DPRX: variants seen among roughly 807,000 people sequenced by gnomAD.
DPRX encodes divergent paired-related homeobox.
Under a neutral mutation model 8.4 loss-of-function variants are expected in DPRX, and 11 were observed. The ratio of observed to expected loss-of-function variants is 1.31; its 90% CI spans 0.82 to 2.17. The LOEUF is 2.17. Ranked by LOEUF, DPRX falls within the 30% of genes most tolerant of loss-of-function variation. The pLI is 0.00. For missense variants in DPRX, 211 were observed against 236.7 expected (o/e 0.89, Z 0.71); for synonymous variants, 72 against 87.0 (o/e 0.83, Z 0.96).
At chr19:53,617,130 C>T in the DPRX span, 1,867 of 1,229,644 alleles carry the variant, frequency 1.5e-3, 38 homozygotes, top group East Asian at 0.04. Context: ...CGATCGAATG[C>T]ACCAAATATC....
the DPRX span, chr19:53,616,987 A>G: frequency 9.5e-6 from 11 of 1,153,928 alleles, no homozygotes; most frequent in East Asian, 1.4e-4. Context: ...TGTTGGCTCT[A>G]TGACTGATGA....
the DPRX span, chr19:53,602,264 A>ATGGG: frequency 1.2e-5 from 4 of 338,194 alleles, no homozygotes; most frequent in East Asian, 2.5e-4. Flanking sequence ...ATATATGGGT[A>ATGGG]TGGGTGTGTG....
At chr19:53,602,270 GTGTGT>G in the DPRX span, 67 of 99,206 alleles carry the variant, frequency 6.8e-4, 1 homozygote, top group East Asian at 4.5e-3. Flanking sequence ...GGGTATGGGT[GTGTGT>G]GTGTGTGTGT....
chr19:53,608,639 C>T, the DPRX span, among the ~76,000 whole-genome samples: 1 of 152,162 alleles, frequency 6.6e-6, no homozygotes, highest in Non-Finnish European at 1.5e-5. Flanking sequence ...CTAAATGCCA[C>T]TGAACTGCAT....
chr19:53,615,754 A>G, the DPRX span, among the ~76,000 whole-genome samples: 1 of 151,984 alleles, frequency 6.6e-6, no homozygotes, highest in Admixed American at 6.6e-5. Flanking sequence ...TAATTTTAAT[A>G]TAATGAAAAG....
the DPRX span, among the ~76,000 whole-genome samples, chr19:53,624,788 G>A: frequency 2.8e-5 from 4 of 143,352 alleles, no homozygotes; most frequent in African/African-American, 7.8e-5. Flanking sequence ...ATTGCAGTGA[G>A]CTGAGATCAG....
At chr19:53,619,716 C>T in the DPRX span, among the ~76,000 whole-genome samples, 1 of 147,782 alleles carries the variant, frequency 6.8e-6, no homozygotes, top group Non-Finnish European at 1.5e-5. Context: ...TTAGCTGGGC[C>T]TGGTGGCAGA....
chr19:53,627,719 A>G (rs1376291571), upstream of DPRX, among the ~76,000 whole-genome samples: 2 of 146,558 alleles, frequency 1.4e-5, no homozygotes, highest in African/African-American at 2.5e-5. Context: ...GAGTACAGAC[A>G]TGAGCCACCG....
At chr19:53,603,340 G>A in the DPRX span, 13 of 455,994 alleles carry the variant, frequency 2.9e-5, no homozygotes, top group African/African-American at 6.0e-5. Flanking sequence ...GCGGAGAAAC[G>A]CCACTGCTCA....
At chr19:53,635,078 T>A (rs2091107250) in intron 2 of DPRX, among the ~76,000 whole-genome samples, 1 of 152,144 alleles carries the variant, frequency 6.6e-6, no homozygotes, top group Admixed American at 6.6e-5. Flanking sequence ...GCTCAAGCAA[T>A]CCTACCACCT....
the DPRX span, among the ~76,000 whole-genome samples, chr19:53,613,650 G>A: frequency 4.0e-5 from 6 of 151,116 alleles, no homozygotes; most frequent in African/African-American, 9.7e-5. Flanking sequence ...ATGAGCCACC[G>A]CGCCTGGCCT....
At chr19:53,620,981 G>A in the DPRX span, among the ~76,000 whole-genome samples, 1 of 152,194 alleles carries the variant, frequency 6.6e-6, no homozygotes, top group Non-Finnish European at 1.5e-5. Context: ...TGCATGAGGT[G>A]AGAGTATGGT....
the DPRX span, among the ~76,000 whole-genome samples, chr19:53,608,837 C>A: frequency 6.6e-6 from 1 of 151,344 alleles, no homozygotes; most frequent in African/African-American, 2.4e-5. Context: ...CGCCTGTAGT[C>A]CCAGCTACTC....
exon 3 of DPRX, chr19:53,636,732 T>C (rs2091114156): frequency 3.1e-6 from 5 of 1,614,154 alleles, no homozygotes; most frequent in Non-Finnish European, 4.2e-6. Context: ...GCAGACACAC[T>C]ACCCAGATTG....
the DPRX span, among the ~76,000 whole-genome samples, chr19:53,610,175 G>C: frequency 2.8e-5 from 1 of 36,196 alleles, no homozygotes; most frequent in African/African-American, 1.6e-4. Context: ...AAAATTAGGC[G>C]GGTGTGGTGG....
chr19:53,612,840 G>T, the DPRX span, among the ~76,000 whole-genome samples: 1 of 152,134 alleles, frequency 6.6e-6, no homozygotes, highest in Non-Finnish European at 1.5e-5. Flanking sequence ...TCGGGCGGAC[G>T]GGGAACCCAG....
At chr19:53,628,184 A>G (rs2091078424), upstream of DPRX, among the ~76,000 whole-genome samples, 1 of 152,072 alleles carries the variant, frequency 6.6e-6, no homozygotes, top group South Asian at 2.1e-4. Flanking sequence ...CACGCCTATA[A>G]TCCCAGTGAT....
the DPRX span, among the ~76,000 whole-genome samples, chr19:53,614,192 T>C: frequency 7.2e-5 from 11 of 152,060 alleles, no homozygotes; most frequent in Non-Finnish European, 8.8e-5. Flanking sequence ...CCTCGTAATC[T>C]GCCCGCCTCG....
chr19:53,601,385 C>T, the DPRX span: 29 of 456,282 alleles, frequency 6.4e-5, no homozygotes, highest in South Asian at 2.2e-4. Context: ...GCAGGCAAAG[C>T]GTTAACCGTG....
Sources: allele counts gnomAD v4.1 joint callset (sites outside exome capture counted in the v4.1 genomes callset), GRCh38; gene constraint gnomAD v4.1.1; transcripts MANE v1.5; gene names NCBI Gene and HGNC (gene_info 2026-07-23, HGNC 2026-07-21).